Variants in DNAH7 observed in about 807,000 individuals in gnomAD.
The protein encoded by DNAH7 is dynein axonemal heavy chain 7, also known as axonemal beta dynein heavy chain 7.
In DNAH7, 397 loss-of-function variants were observed where a neutral mutation model predicts 444.6. The observed-to-expected ratio is 0.89, with a 90% CI of 0.82 to 0.97. The LOEUF (loss-of-function observed/expected upper bound fraction) is 0.97. DNAH7 is among the 50% of genes least tolerant of loss of function. DNAH7 has a pLI of 0.00. For missense variants in DNAH7, 4,902 were observed against 4,800.8 expected (o/e 1.02, Z -0.62); for synonymous variants, 1,636 against 1,624.4 (o/e 1.01, Z -0.17).
At chr2:196,056,401 T>C (rs1294294562) in intron 2 of DNAH7, among the ~76,000 whole-genome samples, 1 of 146,640 alleles carries the variant, frequency 6.8e-6, no homozygotes, top group African/African-American at 2.5e-5. Context: ...GCCAAGATCA[T>C]GCCACTGCAC....
At chr2:195,757,080 G>T (rs942630320) in intron 61 of DNAH7, among the ~76,000 whole-genome samples, 1 of 151,760 alleles carries the variant, frequency 6.6e-6, no homozygotes, top group Non-Finnish European at 1.5e-5. Context: ...CTCCTGTCTC[G>T]ACCTCCCGAA....
intron 58 of DNAH7, among the ~76,000 whole-genome samples, chr2:195,783,007 C>A (rs1695461657): frequency 6.6e-6 from 1 of 152,058 alleles, no homozygotes; most frequent in Non-Finnish European, 1.5e-5. Flanking sequence ...ATGCCAAGAG[C>A]CTAAAAGACA....
chr2:195,926,600 T>C, intron 21 of DNAH7, 34 bp from the exon 22 acceptor site: 1 of 1,540,014 alleles, frequency 6.5e-7, no homozygotes, highest in South Asian at 1.3e-5. Flanking sequence ...ATATTAACCA[T>C]TTCCTGAACA....
At chr2:195,950,673 C>T (rs1342632471) in intron 19 of DNAH7, among the ~76,000 whole-genome samples, 3 of 151,544 alleles carry the variant, frequency 2.0e-5, no homozygotes, top group Admixed American at 6.6e-5. Context: ...ATGGTGAAAC[C>T]CCATCTCTAC....
chr2:195,904,277 C>A (rs1036422353), intron 27 of DNAH7: 4 of 152,304 alleles, frequency 2.6e-5, no homozygotes, highest in African/African-American at 9.7e-5. Context: ...AAGGTCAGAT[C>A]TGAACTGTAC....
At chr2:196,006,283 C>T (rs969915401) in intron 10 of DNAH7, among the ~76,000 whole-genome samples, 2 of 152,080 alleles carry the variant, frequency 1.3e-5, no homozygotes, top group African/African-American at 2.4e-5. Context: ...TCCAGCCTGG[C>T]TGACAGAGCA....
chr2:195,884,748 A>G lies in DNAH7; in HGVS notation c.5600T>C (p.Leu1867Ser), dbSNP rs1478134846. The part of the protein sequence containing the change: ...VGASCTDDDR[L>S]KFNKILRELM... ...TTCTCGAAGAATCTTATTAAATTTC[A>G]ATCGATCATCATCTGTACAAGAAGC... The change falls in exon 35 of 65, where the codon TTG becomes TCG. Residue 1867 changes from leucine to serine, a missense_variant. Physicochemically the swap from Leu to Ser is moderately radical, Grantham distance 145. Transcript: ENST00000312428. The G allele has an allele frequency of 6.2e-7, 1 of 1,614,038 alleles. No homozygotes were observed. The highest frequency in any genetic ancestry group is 8.5e-7 in the Non-Finnish European group (1 of 1,180,036).
intron 19 of DNAH7, among the ~76,000 whole-genome samples, chr2:195,941,299 C>T (rs911320489): frequency 3.3e-5 from 5 of 151,966 alleles, no homozygotes; most frequent in Admixed American, 3.3e-4. Flanking sequence ...CATGTTCTCA[C>T]TCATAAACGG....
intron 47 of DNAH7, among the ~76,000 whole-genome samples, chr2:195,837,296 A>G (rs1008333417): frequency 1.3e-5 from 2 of 152,208 alleles, no homozygotes; most frequent in Non-Finnish European, 2.9e-5. Flanking sequence ...CTTGTCCAAT[A>G]AGCAGCATTT....
chr2:195,829,310 T>C (rs1697946750), intron 48 of DNAH7, among the ~76,000 whole-genome samples: 1 of 151,804 alleles, frequency 6.6e-6, no homozygotes, highest in African/African-American at 2.4e-5. Context: ...TGTTTATAAA[T>C]ATGATAATTT....
rs753813959 is a variant in DNAH7, at chr2:195,737,874, C to T, written c.*47G>A. 6 of 1,580,906 alleles carry T rather than the reference C, an allele frequency of 3.8e-6. No homozygotes were observed. In the Admixed American group the frequency reaches 1.0e-4, roughly 27 times the overall value. ...TAAGTAGTAAAATATGCTTTCTCTA[C>T]TCAGCCAGCCAACAAGAAATAGGAA... On this transcript the variant is annotated 3_prime_UTR_variant, in exon 65 of 65. Coordinates refer to ENST00000312428, the MANE Select transcript of DNAH7 (RefSeq NM_018897.3).
chr2:195,844,918 T>C, intron 47 of DNAH7, 84 bp downstream of exon 47: 3 of 1,248,074 alleles, frequency 2.4e-6, no homozygotes, highest in Non-Finnish European at 3.3e-6. Context: ...CTGTAAAAGT[T>C]TGCTACCTAA....
chr2:195,742,093 T>A (rs181098695), intron 63 of DNAH7, among the ~76,000 whole-genome samples: 1 of 152,256 alleles, frequency 6.6e-6, no homozygotes, highest in African/African-American at 2.4e-5. Context: ...TAACTGCCAG[T>A]GTATAACTCT....
At chr2:195,971,637 G>T (rs917041789) in intron 16 of DNAH7, among the ~76,000 whole-genome samples, 1 of 152,132 alleles carries the variant, frequency 6.6e-6, no homozygotes, top group African/African-American at 2.4e-5. Flanking sequence ...GAGACAAGAA[G>T]CATAGGAGAG....
chr2:195,827,929 T>C (rs910063399), intron 48 of DNAH7, among the ~76,000 whole-genome samples: 3 of 152,162 alleles, frequency 2.0e-5, no homozygotes, highest in Admixed American at 6.5e-5. Context: ...TAACTTTTTG[T>C]TGTAGAAATT....
intron 10 of DNAH7, 78 bp downstream of exon 10, chr2:196,012,709 T>G: frequency 6.9e-7 from 1 of 1,448,596 alleles, no homozygotes; most frequent in Non-Finnish European, 9.4e-7. Flanking sequence ...TTGGATCTTC[T>G]AAAAGCAGTT....
At chr2:196,025,806 T>C (rs1395733475) in intron 7 of DNAH7, among the ~76,000 whole-genome samples, 1 of 152,168 alleles carries the variant, frequency 6.6e-6, no homozygotes, top group Non-Finnish European at 1.5e-5. Context: ...ATAGAAGTCA[T>C]AAATACAATG....
intron 19 of DNAH7, among the ~76,000 whole-genome samples, chr2:195,955,669 A>G (rs961616688): frequency 6.6e-6 from 1 of 152,200 alleles, no homozygotes; most frequent in African/African-American, 2.4e-5. Flanking sequence ...CCTTTCAAGG[A>G]ACTGAGATAT....
intron 63 of DNAH7, among the ~76,000 whole-genome samples, chr2:195,746,300 A>G (rs1025840357): frequency 3.9e-5 from 6 of 152,142 alleles, no homozygotes; most frequent in East Asian, 1.9e-4. Flanking sequence ...AGAGCTAACT[A>G]TCCTAAATAT....
Sources: gnomAD v4.1 joint callset for allele counts (sites outside exome capture counted in the v4.1 genomes callset) on GRCh38, gnomAD v4.1.1 for gene constraint, MANE v1.5 for transcripts, NCBI Gene and HGNC (gene_info 2026-07-23, HGNC 2026-07-21) for gene names.